Variants in VWF observed in about 807,000 individuals in gnomAD.
VWF encodes von Willebrand factor.
A neutral mutation model predicts 308.6 loss-of-function variants in VWF; 176 were observed. That is an observed-to-expected ratio of 0.57 (90% CI 0.50 to 0.65). The LOEUF is 0.65. VWF is among the 30% of genes least tolerant of loss of function. VWF has a pLI of 0.00. For missense variants in VWF, 3,146 were observed against 3,648.2 expected (o/e 0.86, Z 3.55); for synonymous variants, 1,385 against 1,443.4 (o/e 0.96, Z 0.92).
At chr12:6,045,171 A>G (rs922447772) in intron 17 of VWF, among the ~76,000 whole-genome samples, 9 of 152,240 alleles carry the variant, frequency 5.9e-5, no homozygotes, top group Admixed American at 5.2e-4. Context: ...GGCAATTAGT[A>G]GGTATCAATG....
At chr12:6,026,329 A>T (rs115364369) in intron 22 of VWF, among the ~76,000 whole-genome samples, 4,980 of 152,242 alleles carry the variant, frequency 0.033, 248 homozygotes, top group African/African-American at 0.11. Flanking sequence ...AGAGGTGGGA[A>T]TCAGGCAGCC....
At chr12:5,985,423 G>C (rs1943668471) in intron 39 of VWF, 140 bp downstream of exon 39, 2 of 962,038 alleles carry the variant, frequency 2.1e-6, no homozygotes, top group Non-Finnish European at 3.2e-6. Flanking sequence ...AATGCAGGCT[G>C]GGCAAGGAAG....
chr12:6,079,610 GAA>G (rs71672997), intron 6 of VWF, among the ~76,000 whole-genome samples: 11 of 133,958 alleles, frequency 8.2e-5, no homozygotes, highest in South Asian at 2.4e-4. Flanking sequence ...ACTCTGTCTC[GAA>G]AAAAAAAAAA....
intron 19 of VWF, among the ~76,000 whole-genome samples, chr12:6,035,049 G>T (rs941901717): frequency 6.6e-6 from 1 of 152,150 alleles, no homozygotes; most frequent in African/African-American, 2.4e-5. Context: ...CTAAAAGGGG[G>T]AAACTGAGGC....
At chr12:6,078,654 A>G (rs1944872076) in intron 6 of VWF, among the ~76,000 whole-genome samples, 1 of 152,208 alleles carries the variant, frequency 6.6e-6, no homozygotes, top group African/African-American at 2.4e-5. Context: ...AGTGGCTCGG[A>G]GCAGTCCCTG....
intron 15 of VWF, among the ~76,000 whole-genome samples, chr12:6,054,867 A>G (rs930075215): frequency 6.6e-6 from 1 of 152,134 alleles, no homozygotes; most frequent in African/African-American, 2.4e-5. Context: ...GGTAGAGGGG[A>G]CAGCTGAGCC....
chr12:6,056,946 C>A lies in VWF; in HGVS notation c.1856G>T (p.Arg619Leu). Reference protein sequence around the residue: ...RYDVCSCSDGRECLCGALASY... With the variant: ...RYDVCSCSDGLECLCGALASY... ...GGCCAGGGCGCCGCACAGGCACTCGCGGCCGTCCGAGCAGGAGCACACGTC... is the reference window on the plus strand; with the variant it reads ...GGCCAGGGCGCCGCACAGGCACTCGAGGCCGTCCGAGCAGGAGCACACGTC... Residue 619 changes from arginine to leucine, a missense_variant, in exon 15 of 52, where the codon CGC becomes CTC. By Grantham distance (102) the Arg-to-Leu change is moderately radical. This residue lies in a region of VWF where 1,304 missense variants were observed against 1,353.0 expected (regional missense o/e 0.96). Coordinates refer to ENST00000261405, the MANE Select transcript of VWF (RefSeq NM_000552.5). The A allele has an allele frequency of 1.3e-6, 2 of 1,537,108 alleles. No individual in the cohort carries two copies. The highest frequency in any genetic ancestry group is 8.7e-7 in the Non-Finnish European group (1 of 1,146,710).
chr12:5,958,356 C>T (rs1305644948), intron 47 of VWF, among the ~76,000 whole-genome samples: 1 of 152,084 alleles, frequency 6.6e-6, no homozygotes, highest in East Asian at 1.9e-4. Flanking sequence ...ATGTAATAGA[C>T]AAATTAGTCA....
chr12:6,055,106 G>A lies in VWF; in HGVS notation c.1945+1751C>T, dbSNP rs560019006. 2.0e-5 allele frequency among the ~76,000 whole-genome samples: 3 copies of A among 152,228 alleles called. No individual in the cohort carries two copies. The South Asian group carries it at 6.2e-4, about 32-fold the overall frequency. On this transcript the variant is annotated intron_variant, in intron 15 of 51. Transcript: ENST00000261405. The stretch of plus-strand genomic sequence containing the variant: ...TCAGGAGTCAAGACATTCTTTAACT[G>A]AATCTTATCCCCACTACTGAAGCAT...
At chr12:6,062,395 T>C (rs1003497762) in intron 13 of VWF, among the ~76,000 whole-genome samples, 13 of 151,716 alleles carry the variant, frequency 8.6e-5, no homozygotes, top group Non-Finnish European at 1.5e-4. Flanking sequence ...GCAGTAATAT[T>C]TGCACTGTCC....
At chr12:6,066,282 C>T (rs1339151251) in intron 10 of VWF, among the ~76,000 whole-genome samples, 1 of 152,262 alleles carries the variant, frequency 6.6e-6, no homozygotes, top group Non-Finnish European at 1.5e-5. Context: ...TTGAGGCAAT[C>T]CCATCTTCAG....
At chr12:5,979,619 G>A (rs11838266) in intron 42 of VWF, among the ~76,000 whole-genome samples, 21,409 of 151,660 alleles carry the variant, frequency 0.14, 1,646 homozygotes, top group African/African-American at 0.17. Context: ...GTGTGGTGGT[G>A]TGCGCCTGCA....
intron 6 of VWF, 145 bp downstream of exon 6, chr12:6,095,315 C>T (rs932887325): frequency 1.5e-6 from 2 of 1,313,212 alleles, no homozygotes; most frequent in Non-Finnish European, 2.2e-6. Flanking sequence ...TAGAATTAGA[C>T]TCTAGCCACA....
intron 10 of VWF, among the ~76,000 whole-genome samples, chr12:6,069,675 C>CT (rs1383506304): frequency 7.9e-5 from 12 of 152,302 alleles, no homozygotes; most frequent in African/African-American, 2.6e-4. Flanking sequence ...AGAGCCAGGG[C>CT]TTTGAGAATG....
Position 5,996,333 on chromosome 12 carries a change from T to C in VWF, c.5843-111A>G, listed in dbSNP as rs216903. The C allele has an allele frequency of 0.55, 536,411 of 984,014 alleles. 148,336 individuals carry two copies. Among genetic ancestry groups the C allele is most frequent in the East Asian group, 0.78 (29,859 of 38,150 alleles). The allele number at this position is 984,014 out of a possible 1,614,324, so 61.0% of individuals were successfully genotyped here. A position where few individuals can be genotyped will look rare whatever the true frequency, so the allele number is the denominator to read the frequency against. On this transcript the variant is annotated intron_variant, in intron 34 of 51. Coordinates refer to ENST00000261405, the MANE Select transcript of VWF (RefSeq NM_000552.5). ...GCACACAGATAAATACAGTAGAGAA[T>C]GGAACAGGCCCTTTGAGGTCATATA...
At chr12:6,003,716 G>A (rs556788090) in intron 34 of VWF, among the ~76,000 whole-genome samples, 1 of 152,110 alleles carries the variant, frequency 6.6e-6, no homozygotes, top group South Asian at 2.1e-4. Flanking sequence ...GGGTATCATT[G>A]TCTAATGAAT....
intron 32 of VWF, among the ~76,000 whole-genome samples, chr12:6,012,771 G>A (rs1387222976): frequency 1.3e-5 from 2 of 150,116 alleles, no homozygotes; most frequent in Non-Finnish European, 3.0e-5. Flanking sequence ...GCGCGATCTC[G>A]GCTCACTGCA....
intron 48 of VWF, among the ~76,000 whole-genome samples, 174 bp from the exon 49 acceptor site, chr12:5,952,693 A>G (rs1210006963): frequency 6.6e-6 from 1 of 152,236 alleles, no homozygotes; most frequent in African/African-American, 2.4e-5. Flanking sequence ...GTGGAGTCCC[A>G]GTTTTACAGC....
rs188866553 is a variant in VWF at position 6,072,542 on chromosome 12, G to A, written c.998-100C>T. The A allele has an allele frequency of 7.0e-6, 7 of 1,003,270 alleles. No homozygotes were observed. In the African/African-American group the frequency reaches 7.8e-5, roughly 11 times the overall value. The allele number at this position is 1,003,270 out of a possible 1,614,324, so 62.1% of individuals were successfully genotyped here. A position where few individuals can be genotyped will look rare whatever the true frequency, so the allele number is the denominator to read the frequency against. ...AGGGACAATGGTTGGGTTTCTTCCA[G>A]GAAGCTCAAAGAACTTGTTCTGTGG... On this transcript the variant is annotated intron_variant, in intron 8 of 51. Transcript: ENST00000261405.
Sources: gnomAD v4.1 joint callset for allele counts (sites outside exome capture counted in the v4.1 genomes callset) on GRCh38, gnomAD v4.1.1 for gene constraint, gnomAD v4.1.1 regional missense constraint, MANE v1.5 for transcripts, NCBI Gene and HGNC (gene_info 2026-07-23, HGNC 2026-07-21) for gene names.